Variants in MAPK10 observed in about 807,000 individuals in gnomAD.
The protein encoded by MAPK10 is JNK3 alpha protein kinase.
In MAPK10, 25 loss-of-function variants were observed where a neutral mutation model predicts 59.3. The observed-to-expected ratio is 0.42, with a 90% CI of 0.31 to 0.59. MAPK10 has a LOEUF of 0.59. Among genes scored for constraint, MAPK10 ranks in the 20% least tolerant of loss-of-function variants. The pLI is 0.15. For missense variants in MAPK10, 351 were observed against 568.9 expected, an observed-to-expected ratio of 0.62 and a Z score of 3.90; for synonymous variants, 190 against 200.5, an observed-to-expected ratio of 0.95 and a Z score of 0.44.
intron 1 of MAPK10, among the ~76,000 whole-genome samples, chr4:86,452,862 G>A (rs770889324): frequency 6.6e-6 from 1 of 152,096 alleles, no homozygotes; most frequent in Middle Eastern, 3.2e-3. Flanking sequence ...TAGGAATGCC[G>A]CAAGAACCCA....
intron 1 of MAPK10, among the ~76,000 whole-genome samples, chr4:86,492,494 C>A (rs1025129972): frequency 4.6e-5 from 7 of 152,194 alleles, no homozygotes; most frequent in Non-Finnish European, 8.8e-5. Flanking sequence ...GAGCTAGACT[C>A]CGTGAGTTCA....
chr4:86,426,385 T>A (rs17011890), intron 1 of MAPK10, among the ~76,000 whole-genome samples: 1 of 152,108 alleles, frequency 6.6e-6, no homozygotes, highest in African/African-American at 2.4e-5. Context: ...TGCTGTTTTC[T>A]ACTTGAAGTA....
At chr4:86,311,699 C>T (rs1035380271) in intron 2 of MAPK10, among the ~76,000 whole-genome samples, 1 of 152,120 alleles carries the variant, frequency 6.6e-6, no homozygotes, top group Admixed American at 6.6e-5. Context: ...GGCAAGCCCT[C>T]TGTCACATGC....
chr4:86,176,647 A>G (rs927411484), intron 3 of MAPK10, among the ~76,000 whole-genome samples: 1 of 86,706 alleles, frequency 1.2e-5, no homozygotes, highest in African/African-American at 1.1e-4. Context: ...AAATTTTTAG[A>G]AAAAAACTGC....
At chr4:86,122,705 T>TATTA (rs57194112) in intron 4 of MAPK10, among the ~76,000 whole-genome samples, 7,458 of 152,196 alleles carry the variant, frequency 0.049, 603 homozygotes, top group African/African-American at 0.17. Context: ...TTGTTTCTGT[T>TATTA]ATTGTCAGTC....
chr4:86,296,800 T>C (rs1280600990), intron 2 of MAPK10, among the ~76,000 whole-genome samples: 2 of 152,260 alleles, frequency 1.3e-5, no homozygotes, highest in Non-Finnish European at 2.9e-5. Context: ...GAATTTCTTA[T>C]ATTTTATGCA....
intron 1 of MAPK10, among the ~76,000 whole-genome samples, chr4:86,441,541 T>A (rs555050820): frequency 6.6e-6 from 1 of 152,344 alleles, no homozygotes; most frequent in African/African-American, 2.4e-5. Context: ...TTTAAAATAG[T>A]TCATATGACT....
At chr4:86,143,876 A>G (rs1159835452) in intron 4 of MAPK10, among the ~76,000 whole-genome samples, 1 of 152,226 alleles carries the variant, frequency 6.6e-6, no homozygotes, top group East Asian at 1.9e-4. Context: ...TTATGAGAAA[A>G]AAAATCTCAC....
chr4:86,546,927 G>A (rs1257008690), intron 1 of MAPK10, among the ~76,000 whole-genome samples: 5 of 152,068 alleles, frequency 3.3e-5, no homozygotes, highest in Non-Finnish European at 7.3e-5. Context: ...GTGGTGGCGG[G>A]CACCTGTAGT....
chr4:86,373,789 G>A (rs957913150), intron 1 of MAPK10, among the ~76,000 whole-genome samples: 2 of 152,152 alleles, frequency 1.3e-5, no homozygotes, highest in African/African-American at 2.4e-5. Flanking sequence ...AAATAGGAAC[G>A]CTTTTCCACT....
At chr4:86,583,583 T>C (rs180863010) in intron 1 of MAPK10, among the ~76,000 whole-genome samples, 244 of 152,336 alleles carry the variant, frequency 1.6e-3, no homozygotes, top group African/African-American at 5.8e-3. Context: ...AGTCCTGTTA[T>C]GACTTTAAGA....
chr4:86,438,336 G>A (rs948930986), intron 1 of MAPK10, among the ~76,000 whole-genome samples: 1 of 152,124 alleles, frequency 6.6e-6, no homozygotes. Context: ...ATATTATAAA[G>A]TGTAAAATTG....
intron 1 of MAPK10, among the ~76,000 whole-genome samples, chr4:86,356,138 G>A (rs938232563): frequency 1.3e-5 from 2 of 152,140 alleles, no homozygotes; most frequent in Non-Finnish European, 2.9e-5. Flanking sequence ...ATGCCCAATT[G>A]CCTTATAGGG....
chr4:86,309,352 G>T (rs1332588177), intron 2 of MAPK10, among the ~76,000 whole-genome samples: 1 of 152,114 alleles, frequency 6.6e-6, no homozygotes, highest in Non-Finnish European at 1.5e-5. Flanking sequence ...GATGAACTCC[G>T]GCATGCAGAT....
chr4:86,295,142 C>T (rs1180040561), intron 2 of MAPK10, among the ~76,000 whole-genome samples: 1 of 152,186 alleles, frequency 6.6e-6, no homozygotes, highest in Non-Finnish European at 1.5e-5. Flanking sequence ...CGTGTTAGGA[C>T]ACAGCCCGAC....
chr4:86,064,858 G>A (rs1413734732), intron 10 of MAPK10: 1 of 152,608 alleles, frequency 6.6e-6, no homozygotes, highest in African/African-American at 2.4e-5. Flanking sequence ...ATTGACTTAA[G>A]AGTTTGTATC....
chr4:86,309,386 G>A (rs182738204), intron 2 of MAPK10, among the ~76,000 whole-genome samples: 1 of 152,236 alleles, frequency 6.6e-6, no homozygotes, highest in Admixed American at 6.5e-5. Flanking sequence ...CTGTGCACAA[G>A]CATTGCATCA....
At chr4:86,164,160 C>G (rs895761976) in intron 3 of MAPK10, among the ~76,000 whole-genome samples, 3 of 152,106 alleles carry the variant, frequency 2.0e-5, no homozygotes, top group Non-Finnish European at 4.4e-5. Context: ...ATCAGTTCTG[C>G]ACTTAATAGC....
At chr4:86,113,461 C>CCTTCATTT (rs1191493774) in intron 4 of MAPK10, among the ~76,000 whole-genome samples, 2 of 152,268 alleles carry the variant, frequency 1.3e-5, no homozygotes, top group East Asian at 3.9e-4. Flanking sequence ...TTTTATTTCT[C>CCTTCATTT]CTTCATTTAT....
Sources: allele counts gnomAD v4.1 joint callset (sites outside exome capture counted in the v4.1 genomes callset), GRCh38; gene constraint gnomAD v4.1.1; transcripts MANE v1.5; gene names NCBI Gene and HGNC (gene_info 2026-07-23, HGNC 2026-07-21).